Variants in COL15A1 observed in about 807,000 individuals in gnomAD.
COL15A1 encodes the protein collagen alpha-1(XV) chain.
COL15A1 carries 111 observed loss-of-function variants against 165.9 expected under a neutral mutation model. The ratio of observed to expected loss-of-function variants is 0.67; its 90% CI spans 0.57 to 0.78. The LOEUF is 0.78. Ranked by LOEUF, COL15A1 falls within the 30% of genes least tolerant of loss-of-function variation. COL15A1 has a pLI of 0.00. For missense variants in COL15A1, 1,745 were observed against 1,789.7 expected (o/e 0.98, Z 0.45); for synonymous variants, 659 against 674.8 (o/e 0.98, Z 0.36).
chr9:98,971,327 C>A (rs1193858575), intron 2 of COL15A1, among the ~76,000 whole-genome samples: 1 of 152,190 alleles, frequency 6.6e-6, no homozygotes, highest in African/African-American at 2.4e-5. Flanking sequence ...GTTTTCCTCC[C>A]AGAGCCCTGA....
chr9:99,011,726 T>G lies in COL15A1; in HGVS notation c.1354-3691T>G, dbSNP rs199569222. On this transcript the variant is annotated intron_variant, in intron 9 of 41. Transcript: ENST00000375001. ...ATCTATTATTTAATTTAACTTTAGA[T>G]TCTAAATTATGACACATTTGTCTAT... Among the ~76,000 whole-genome samples, 3 of 152,182 alleles carry G rather than the reference T, an allele frequency of 2.0e-5. No homozygotes were observed. The East Asian group carries it at 5.8e-4, about 29-fold the overall frequency.
intron 10 of COL15A1, 84 bp downstream of exon 10, chr9:99,015,650 A>G (rs1054535485): frequency 3.0e-6 from 4 of 1,349,252 alleles, no homozygotes; most frequent in South Asian, 2.5e-5. Flanking sequence ...TGGCCTTGGC[A>G]GGGGCACCTG....
chr9:99,000,719 C>T (rs776528312), intron 6 of COL15A1, 120 bp from the exon 7 acceptor site: 15 of 669,796 alleles, frequency 2.2e-5, no homozygotes, highest in African/African-American at 5.6e-5. Context: ...TTTTTTCCCC[C>T]TCTTGACCCT....
intron 5 of COL15A1, among the ~76,000 whole-genome samples, chr9:98,994,397 C>T (rs1209507957): frequency 6.6e-6 from 1 of 152,162 alleles, no homozygotes; most frequent in African/African-American, 2.4e-5. Flanking sequence ...CTGGAGGGCC[C>T]CTCCCAGCTC....
At chr9:98,964,585 A>G (rs1357836480) in intron 2 of COL15A1, among the ~76,000 whole-genome samples, 3 of 152,174 alleles carry the variant, frequency 2.0e-5, no homozygotes, top group Non-Finnish European at 2.9e-5. Context: ...AGCAGCATCA[A>G]CGTCATTGCA....
chr9:99,056,445 C>T (rs1351284949), intron 35 of COL15A1, 41 bp downstream of exon 35: 1 of 1,553,090 alleles, frequency 6.4e-7, no homozygotes, highest in Non-Finnish European at 8.7e-7. Flanking sequence ...GCTGTCCCTA[C>T]CATTGTGTTC....
chr9:98,968,964 C>A (rs748448461), intron 2 of COL15A1, among the ~76,000 whole-genome samples: 47 of 152,314 alleles, frequency 3.1e-4, no homozygotes, highest in Admixed American at 5.9e-4. Flanking sequence ...TTTCATTGAT[C>A]TGAGAAAAAA....
At position 98,943,996 on chromosome 9, in the gene COL15A1, C is replaced by T. The variant is rs1837531671; in HGVS notation, c.-66C>T. The T allele has an allele frequency of 1.9e-6, 3 of 1,601,414 alleles. No individual in the cohort carries two copies. Among genetic ancestry groups the T allele is most frequent in the Non-Finnish European group, 2.6e-6 (3 of 1,171,050 alleles). On this transcript the variant is annotated 5_prime_UTR_variant, in exon 1 of 42. Coordinates refer to ENST00000375001, the MANE Select transcript of COL15A1 (RefSeq NM_001855.5). ...GGCCAGCGCTCAGCGACCCTTCGTC[C>T]TCCGCTAAGCTCCAACGCTCTGCTC... is the stretch of plus-strand genomic sequence containing the variant.
chr9:98,997,426 C>CCTACA (rs1564039905), intron 6 of COL15A1, among the ~76,000 whole-genome samples: 1 of 152,174 alleles, frequency 6.6e-6, no homozygotes, highest in African/African-American at 2.4e-5. Flanking sequence ...TTGTTGAATA[C>CCTACA]CTACAGTGTG....
intron 9 of COL15A1, 28 bp from the exon 10 acceptor site, chr9:99,015,389 A>G: frequency 2.5e-6 from 4 of 1,578,472 alleles, no homozygotes; most frequent in Non-Finnish European, 3.5e-6. Context: ...GCGAAGGGGC[A>G]CAGCTCCTCA....
chr9:98,991,180 C>T (rs1838418987), intron 5 of COL15A1, among the ~76,000 whole-genome samples: 1 of 152,156 alleles, frequency 6.6e-6, no homozygotes, highest in South Asian at 2.1e-4. Context: ...AGCAAAAGAA[C>T]AAAGCTTCCA....
intron 16 of COL15A1, among the ~76,000 whole-genome samples, chr9:99,033,087 C>G (rs544354264): frequency 6.6e-6 from 1 of 152,286 alleles, no homozygotes; most frequent in Admixed American, 6.5e-5. Flanking sequence ...GTGTTTCTTT[C>G]TTGTGTGTTT....
At chr9:99,017,603 A>G (rs1234754370) in intron 11 of COL15A1, among the ~76,000 whole-genome samples, 1 of 152,198 alleles carries the variant, frequency 6.6e-6, no homozygotes, top group Non-Finnish European at 1.5e-5. Flanking sequence ...TGCTAGACCA[A>G]GTAACTGAGA....
At chr9:98,990,541 C>A (rs770945940) in intron 5 of COL15A1, among the ~76,000 whole-genome samples, 3 of 152,252 alleles carry the variant, frequency 2.0e-5, no homozygotes, top group Non-Finnish European at 4.4e-5. Context: ...GAGTGGCCTT[C>A]ACATCTGATG....
intron 2 of COL15A1, among the ~76,000 whole-genome samples, chr9:98,981,250 G>T (rs1044927864): frequency 2.0e-5 from 3 of 152,182 alleles, no homozygotes; most frequent in Non-Finnish European, 4.4e-5. Flanking sequence ...CTGAGGTCAG[G>T]AGTTCGAGAC....
intron 38 of COL15A1, among the ~76,000 whole-genome samples, chr9:99,062,769 A>C (rs1007190271): frequency 6.6e-6 from 1 of 152,158 alleles, no homozygotes; most frequent in Non-Finnish European, 1.5e-5. Context: ...AGCTTTCTCT[A>C]TTAAGTGAAA....
intron 40 of COL15A1, 81 bp downstream of exon 40, chr9:99,067,148 C>A: frequency 2.5e-6 from 3 of 1,206,078 alleles, no homozygotes; most frequent in South Asian, 1.4e-5. Context: ...TTCCTGACAT[C>A]AACAGAAGAC....
chr9:99,024,793 T>C, intron 14 of COL15A1, 81 bp from the exon 15 acceptor site: 1 of 1,490,180 alleles, frequency 6.7e-7, no homozygotes, highest in Non-Finnish European at 9.1e-7. Context: ...TTGAAAGAAT[T>C]TGAGAGATTG....
chr9:99,069,465 G>A (rs1825950040), intron 41 of COL15A1, among the ~76,000 whole-genome samples: 1 of 152,152 alleles, frequency 6.6e-6, no homozygotes, highest in South Asian at 2.1e-4. Context: ...CAAAAGAAGA[G>A]GGTGTGATTT....
Sources: gnomAD v4.1 joint callset for allele counts (sites outside exome capture counted in the v4.1 genomes callset) on GRCh38, gnomAD v4.1.1 for gene constraint, MANE v1.5 for transcripts, NCBI Gene and HGNC (gene_info 2026-07-23, HGNC 2026-07-21) for gene names.